AGBL1: variants seen among roughly 807,000 people sequenced by gnomAD.
AGBL1 encodes the protein AGBL carboxypeptidase 1.
AGBL1 carries 130 observed loss-of-function variants against 118.9 expected under a neutral mutation model. That is an observed-to-expected ratio of 1.09 (90% CI 0.95 to 1.26). AGBL1 has a LOEUF of 1.26. AGBL1 is among the 50% of genes most tolerant of loss of function. The probability of loss-of-function intolerance (pLI) is 0.00; values close to 1 mark genes in which losing one functional copy is unlikely to be tolerated. For synonymous variants in AGBL1, 555 were observed against 478.9 expected, an observed-to-expected ratio of 1.16 and a Z score of -2.08; for missense variants, 1,584 against 1,298.1, an observed-to-expected ratio of 1.22 and a Z score of -3.38.
intron 6 of AGBL1, among the ~76,000 whole-genome samples, chr15:86,241,845 C>T (rs1338508077): frequency 6.6e-6 from 1 of 152,144 alleles, no homozygotes; most frequent in African/African-American, 2.4e-5. Flanking sequence ...AAATGAGTAA[C>T]TAGGGGCCCC....
At chr15:86,473,868 T>G (rs1157994037) in intron 18 of AGBL1, among the ~76,000 whole-genome samples, 1 of 152,190 alleles carries the variant, frequency 6.6e-6, no homozygotes, top group Non-Finnish European at 1.5e-5. Context: ...GAAATTTTCC[T>G]TGTTTTTGAT....
At chr15:86,859,796 C>G (rs141368903) in intron 22 of AGBL1, among the ~76,000 whole-genome samples, 3 of 152,086 alleles carry the variant, frequency 2.0e-5, no homozygotes, top group Admixed American at 2.0e-4. Flanking sequence ...ACCTCAACAC[C>G]TTGGTATTCT....
At chr15:86,983,365 C>T (rs1350866672) in intron 23 of AGBL1, among the ~76,000 whole-genome samples, 4 of 151,974 alleles carry the variant, frequency 2.6e-5, no homozygotes, top group Non-Finnish European at 4.4e-5. Context: ...ATATTTCATT[C>T]GCACAAAGAA....
chr15:86,443,896 C>G (rs1437356534), intron 18 of AGBL1, among the ~76,000 whole-genome samples: 2 of 152,126 alleles, frequency 1.3e-5, no homozygotes, highest in Non-Finnish European at 2.9e-5. Flanking sequence ...GCTATTGTGA[C>G]TAGTGCTGCA....
intron 24 of AGBL1, among the ~76,000 whole-genome samples, chr15:87,020,982 T>C (rs1383032419): frequency 2.6e-5 from 4 of 152,044 alleles, no homozygotes; most frequent in Admixed American, 6.6e-5. Context: ...CTTTACAGAA[T>C]TAATTAGAAA....
chr15:86,651,140 A>G (rs1265819436), intron 21 of AGBL1, among the ~76,000 whole-genome samples: 1 of 152,190 alleles, frequency 6.6e-6, no homozygotes, highest in Non-Finnish European at 1.5e-5. Context: ...AATCTTGATA[A>G]AAATGCATCT....
At chr15:86,579,015 A>G (rs908258862) in intron 21 of AGBL1, among the ~76,000 whole-genome samples, 2 of 152,198 alleles carry the variant, frequency 1.3e-5, no homozygotes, top group African/African-American at 4.8e-5. Flanking sequence ...TCTTGCTTGC[A>G]TATTGTTATA....
intron 18 of AGBL1, among the ~76,000 whole-genome samples, chr15:86,489,975 TA>T (rs1377982816): frequency 1.3e-5 from 2 of 152,172 alleles, no homozygotes; most frequent in Admixed American, 6.5e-5. Context: ...ATATAAAACA[TA>T]AAATTATCCT....
Position 86,965,561 on chromosome 15 carries a change from T to A in AGBL1, c.3222-22426T>A, listed in dbSNP as rs556097682. On this transcript the variant is annotated intron_variant, in intron 23 of 24. Transcript: ENST00000441037. The stretch of plus-strand genomic sequence containing the variant: ...TTGTCAGATGGATAGATTGAAAAAA[T>A]TTTCTCCCATTCTGTAGATTGCCTG... Among the ~76,000 whole-genome samples, 4 of 152,054 alleles carry A rather than the reference T, an allele frequency of 2.6e-5. No individual in the cohort carries two copies. In the East Asian group the frequency reaches 5.8e-4, roughly 22 times the overall value.
At chr15:86,855,964 C>T (rs1426522947) in intron 22 of AGBL1, among the ~76,000 whole-genome samples, 3 of 152,164 alleles carry the variant, frequency 2.0e-5, no homozygotes, top group South Asian at 2.1e-4. Flanking sequence ...CTAATGGCAG[C>T]CTTTAAAACC....
intron 3 of AGBL1, among the ~76,000 whole-genome samples, chr15:86,144,613 G>A (rs1201370254): frequency 1.3e-5 from 2 of 152,118 alleles, no homozygotes; most frequent in African/African-American, 4.8e-5. Flanking sequence ...GCTAAATGAT[G>A]AGAACATATG....
At chr15:86,705,568 A>T (rs1410664634) in intron 22 of AGBL1, among the ~76,000 whole-genome samples, 1 of 152,202 alleles carries the variant, frequency 6.6e-6, no homozygotes, top group Admixed American at 6.6e-5. Flanking sequence ...GAGTTAAATG[A>T]GCCAGCCACT....
At chr15:86,710,875 TCA>T (rs2086544039) in intron 22 of AGBL1, among the ~76,000 whole-genome samples, 1 of 152,186 alleles carries the variant, frequency 6.6e-6, no homozygotes, top group African/African-American at 2.4e-5. Context: ...TTGTGACAAG[TCA>T]CAGTCTTTGA....
intron 17 of AGBL1, among the ~76,000 whole-genome samples, chr15:86,329,763 C>T (rs1214488741): frequency 6.6e-6 from 1 of 152,158 alleles, no homozygotes; most frequent in Non-Finnish European, 1.5e-5. Flanking sequence ...AATGCGGGCC[C>T]TCTATGCTTC....
intron 18 of AGBL1, among the ~76,000 whole-genome samples, chr15:86,432,819 T>C (rs900629102): frequency 6.6e-6 from 1 of 152,174 alleles, no homozygotes; most frequent in African/African-American, 2.4e-5. Flanking sequence ...AGAGGTTTTT[T>C]TTTGCTTTGA....
In AGBL1 at chr15:86,668,517, C is replaced by T. The variant is rs62033711; in HGVS notation, c.2995-5756C>T. Among the ~76,000 whole-genome samples, 967 of 152,194 alleles carry T rather than the reference C, an allele frequency of 6.4e-3. 4 individuals carry two copies. The highest frequency in any genetic ancestry group is 0.011 in the Non-Finnish European group (742 of 67,978). On this transcript the variant is annotated intron_variant, in intron 21 of 22. Transcript: ENST00000614907. The stretch of plus-strand genomic sequence containing the variant: ...GCAGTAAATCTATTTCACAAAAAGA[C>T]GTTTTTTTGGTATCTTCAGAGTGGC...
At chr15:86,926,071 C>T (rs998639252) in intron 23 of AGBL1, among the ~76,000 whole-genome samples, 4 of 152,108 alleles carry the variant, frequency 2.6e-5, no homozygotes, top group Non-Finnish European at 5.9e-5. Flanking sequence ...AGAAGGAAAA[C>T]GTCAATATCT....
At chr15:86,260,057 C>A (rs1342922290) in intron 9 of AGBL1, among the ~76,000 whole-genome samples, 1 of 152,214 alleles carries the variant, frequency 6.6e-6, no homozygotes, top group Non-Finnish European at 1.5e-5. Flanking sequence ...CAAAAGGCTT[C>A]AAGCCAAGGC....
chr15:86,227,275 T>G (rs1327656489), intron 6 of AGBL1, among the ~76,000 whole-genome samples: 2 of 152,276 alleles, frequency 1.3e-5, no homozygotes, highest in Non-Finnish European at 2.9e-5. Context: ...ACTAGGAGGA[T>G]GTATAGCCTA....
Sources: gnomAD v4.1 joint callset for allele counts (sites outside exome capture counted in the v4.1 genomes callset) on GRCh38, gnomAD v4.1.1 for gene constraint, MANE v1.5 for transcripts, NCBI Gene and HGNC (gene_info 2026-07-23, HGNC 2026-07-21) for gene names.